HSPA12A: variants seen among roughly 807,000 people sequenced by gnomAD.
The protein encoded by HSPA12A is heat shock 70 kDa protein 12A.
In HSPA12A, 28 loss-of-function variants were observed where a neutral mutation model predicts 69.2. That is an observed-to-expected ratio of 0.40 (90% CI 0.30 to 0.55). The LOEUF (loss-of-function observed/expected upper bound fraction) is 0.55, where lower values mean the gene tolerates loss of function less well. Among genes scored for constraint, HSPA12A ranks in the 20% least tolerant of loss-of-function variants. HSPA12A has a pLI of 0.38. For missense variants in HSPA12A, 686 were observed against 900.7 expected (o/e 0.76, Z 3.05); for synonymous variants, 345 against 370.5 (o/e 0.93, Z 0.79).
chr10:116,801,602 G>A (rs1283914420), intron 2 of HSPA12A, among the ~76,000 whole-genome samples: 3 of 151,910 alleles, frequency 2.0e-5, no homozygotes, highest in African/African-American at 7.3e-5. Flanking sequence ...TAGCTCAGAA[G>A]GACCCAACAA....
chr10:116,687,439 C>A (rs1465261372), intron 6 of HSPA12A, among the ~76,000 whole-genome samples: 1 of 152,172 alleles, frequency 6.6e-6, no homozygotes, highest in Non-Finnish European at 1.5e-5. Context: ...TACCTGCAAA[C>A]TCCCATGGAA....
At chr10:116,774,431 T>G (rs779443733) in intron 2 of HSPA12A, among the ~76,000 whole-genome samples, 2 of 152,214 alleles carry the variant, frequency 1.3e-5, no homozygotes, top group Admixed American at 6.5e-5. Context: ...TAACAACTCT[T>G]GGGCACTTAA....
At chr10:116,772,020 C>A (rs1844223452) in intron 2 of HSPA12A, among the ~76,000 whole-genome samples, 1 of 152,178 alleles carries the variant, frequency 6.6e-6, no homozygotes, top group Non-Finnish European at 1.5e-5. Flanking sequence ...ACTCAATAAG[C>A]TTAACATGGG....
In HSPA12A at chr10:116,728,828, A is replaced by C. The variant is rs375972857; in HGVS notation, c.40+13602T>G. Among the ~76,000 whole-genome samples the C allele has an allele frequency of 2.2e-4, 33 of 152,350 alleles. No individual in the cohort carries two copies. The East Asian group carries it at 3.5e-3, about 16-fold the overall frequency. On this transcript the variant is annotated intron_variant, in intron 1 of 11. Transcript: ENST00000369209. The stretch of plus-strand genomic sequence containing the variant: ...TGTGGCATCAAATCAAGCCTGCATG[A>C]GTAAGACTCCCTGATGGTGGAACTC...
Position 116,782,523 on chromosome 10 carries a change from G to A in HSPA12A, c.91+52412C>T, listed in dbSNP as rs547076644. Among the ~76,000 whole-genome samples, 6 of 152,286 alleles carry A rather than the reference G, an allele frequency of 3.9e-5. No homozygotes were observed. In the Middle Eastern group the frequency reaches 0.014, roughly 345 times the overall value. On this transcript the variant is annotated intron_variant, in intron 2 of 12. Coordinates refer to the HSPA12A transcript ENST00000635765. ...GTGGAACATTACCTAACATTGCAAAGGAATGAACTACAGGTACACCCAGCA... is the reference window on the plus strand; with the variant it reads ...GTGGAACATTACCTAACATTGCAAAAGAATGAACTACAGGTACACCCAGCA...
At chr10:116,747,533 G>A (rs782774494), upstream of HSPA12A, among the ~76,000 whole-genome samples, 5 of 152,162 alleles carry the variant, frequency 3.3e-5, no homozygotes, top group Non-Finnish European at 5.9e-5. Flanking sequence ...GCATGATCAC[G>A]TGACCAGGAG....
At chr10:116,742,660 C>T (rs1481447026), upstream of HSPA12A, 25 of 952,818 alleles carry the variant, frequency 2.6e-5, no homozygotes, top group African/African-American at 4.3e-4. Context: ...CGGCGCCCCG[C>T]CCCTCCGAGC....
chr10:116,696,272 T>C (rs1589636903), intron 5 of HSPA12A, among the ~76,000 whole-genome samples: 1 of 152,172 alleles, frequency 6.6e-6, no homozygotes, highest in East Asian at 1.9e-4. Context: ...TGATATGGTG[T>C]GGCTGTATGG....
intron 2 of HSPA12A, among the ~76,000 whole-genome samples, chr10:116,781,516 A>T (rs1213043130): frequency 6.6e-6 from 1 of 151,916 alleles, no homozygotes; most frequent in Non-Finnish European, 1.5e-5. Flanking sequence ...AGGAGTGGGG[A>T]GGGGTGGTGC....
At chr10:116,766,263 T>C (rs1844075253) in intron 2 of HSPA12A, among the ~76,000 whole-genome samples, 1 of 152,134 alleles carries the variant, frequency 6.6e-6, no homozygotes, top group African/African-American at 2.4e-5. Context: ...GACCAATTCA[T>C]CCCGGTTTGT....
chr10:116,799,561 GC>G (rs1215962942), intron 2 of HSPA12A, among the ~76,000 whole-genome samples: 1 of 152,104 alleles, frequency 6.6e-6, no homozygotes, highest in Non-Finnish European at 1.5e-5. Flanking sequence ...TTCTTACAAG[GC>G]CTGGTGCCAT....
chr10:116,790,283 T>C (rs866378825), intron 2 of HSPA12A, among the ~76,000 whole-genome samples: 2 of 151,922 alleles, frequency 1.3e-5, no homozygotes, highest in Middle Eastern at 3.4e-3. Context: ...TTTTGTATTT[T>C]TAGTAAAGAC....
At chr10:116,760,309 A>G (rs1214854364) in intron 2 of HSPA12A, among the ~76,000 whole-genome samples, 2 of 152,134 alleles carry the variant, frequency 1.3e-5, no homozygotes, top group African/African-American at 4.8e-5. Context: ...TAACCAGCCC[A>G]TCAGATTCAA....
intron 7 of HSPA12A, among the ~76,000 whole-genome samples, chr10:116,683,042 C>A (rs188733653): frequency 6.6e-4 from 101 of 151,980 alleles, no homozygotes; most frequent in Admixed American, 2.2e-3. Flanking sequence ...AACCCTTAGA[C>A]CTTAGGCCCT....
intron 1 of HSPA12A, among the ~76,000 whole-genome samples, chr10:116,839,177 A>G (rs539643216): frequency 6.6e-6 from 1 of 152,346 alleles, no homozygotes; most frequent in East Asian, 1.9e-4. Flanking sequence ...CTCCTGAATT[A>G]ATATAGAGCT....
intron 2 of HSPA12A, among the ~76,000 whole-genome samples, chr10:116,782,131 G>A (rs1470308680): frequency 5.9e-5 from 9 of 152,204 alleles, no homozygotes; most frequent in African/African-American, 2.2e-4. Context: ...TCGCAGAGAT[G>A]CTCAACCTCA....
At chr10:116,787,796 C>T (rs1190147216) in intron 2 of HSPA12A, among the ~76,000 whole-genome samples, 1 of 152,134 alleles carries the variant, frequency 6.6e-6, no homozygotes, top group East Asian at 1.9e-4. Context: ...TGCCTGGCAG[C>T]CGCTTGGCAC....
intron 9 of HSPA12A, 93 bp downstream of exon 9, chr10:116,681,059 A>G (rs1444999642): frequency 7.2e-6 from 6 of 838,122 alleles, no homozygotes; most frequent in African/African-American, 1.7e-5. Flanking sequence ...GTGGCATTCA[A>G]GAGAATAAAA....
intron 4 of HSPA12A, 62 bp from the exon 5 acceptor site, chr10:116,698,801 T>C: frequency 7.5e-7 from 1 of 1,328,840 alleles, no homozygotes; most frequent in Non-Finnish European, 1.1e-6. Context: ...TCTCCTGGCT[T>C]TGGGGACTGC....
Sources: gnomAD v4.1 joint callset for allele counts (sites outside exome capture counted in the v4.1 genomes callset) on GRCh38, gnomAD v4.1.1 for gene constraint, MANE v1.5 for transcripts, NCBI Gene and HGNC (gene_info 2026-07-23, HGNC 2026-07-21) for gene names.